The following TGFBR1 variants were observed in gnomAD, a reference collection of about 807,000 sequenced individuals.
TGFBR1 encodes the protein TGF-beta receptor type-1.
In TGFBR1, 20 loss-of-function variants were observed where a neutral mutation model predicts 55.1. The observed-to-expected ratio is 0.36, with a 90% confidence interval of 0.26 to 0.53. The LOEUF (loss-of-function observed/expected upper bound fraction) is 0.53. Ranked by LOEUF, TGFBR1 falls within the 20% of genes least tolerant of loss-of-function variation. TGFBR1 has a pLI of 0.91. For synonymous variants in TGFBR1, 220 were observed against 214.8 expected (o/e 1.02, Z -0.21); for missense variants, 385 against 617.6 (o/e 0.62, Z 3.99).
At position 99,150,797 on chromosome 9, in the gene TGFBR1, A is replaced by T. The variant is rs1215899859; in HGVS notation, c.*1492A>T. ...TCCATTTACAGATGTCTTTGGTCAA[A>T]TATTGAAAGCAAACTTGTCATGGTC... On this transcript the variant is annotated 3_prime_UTR_variant, in exon 9 of 9. Coordinates refer to ENST00000374994, the MANE Select transcript of TGFBR1 (RefSeq NM_004612.4). The T allele has an allele frequency of 2.3e-5, 5 of 218,188 alleles. No homozygotes were observed. In the East Asian group the frequency reaches 3.4e-4, roughly 15 times the overall value. 13.5% of individuals were successfully genotyped at this position (218,188 alleles called of 1,614,324 possible).
At position 99,150,509 on chromosome 9, in the gene TGFBR1, T is replaced by C. The variant is rs1232355911; in HGVS notation, c.*1204T>C. ...AGGCGAAGGTAGTTAATAATTTGAA[T>C]AGATAACAGATGTGCAAGAAAGTCA... On this transcript the variant is annotated 3_prime_UTR_variant, in exon 9 of 9. Coordinates refer to ENST00000374994, the MANE Select transcript of TGFBR1 (RefSeq NM_004612.4). 1 of 214,208 alleles carries C rather than the reference T, an allele frequency of 4.7e-6. No individual in the cohort carries two copies. Among genetic ancestry groups the C allele is most frequent in the African/African-American group, 2.3e-5 (1 of 44,378 alleles). The allele number at this position is 214,208 out of a possible 1,614,324, so 13.3% of individuals were successfully genotyped here.
chr9:99,142,774 G>T (rs913770040), intron 5 of TGFBR1, 71 bp downstream of exon 5: 2 of 1,565,318 alleles, frequency 1.3e-6, no homozygotes, highest in African/African-American at 2.7e-5. Flanking sequence ...AATAGAAGGT[G>T]GAGGCTGGGC....
rs35702937 is a variant in TGFBR1 at position 99,149,451 on chromosome 9, TC to T, written c.*149del. On this transcript the variant is annotated 3_prime_UTR_variant, in exon 9 of 9. Coordinates refer to ENST00000374994, the MANE Select transcript of TGFBR1 (RefSeq NM_004612.4). The stretch of plus-strand genomic sequence containing the variant: ...AGTGTAATAAAGTCAATTAAAAACT[TC>T]CCAGGATTTCTTTGGACCCAGGAAA... 1.8e-5 allele frequency: 21 copies of T among 1,172,844 alleles called. No individual in the cohort carries two copies. The East Asian group carries it at 3.0e-4, about 17-fold the overall frequency. 72.7% of individuals were successfully genotyped at this position (1,172,844 alleles called of 1,614,324 possible). A position where few individuals can be genotyped will look rare whatever the true frequency, so the allele number is the denominator to read the frequency against.
intron 1 of TGFBR1, among the ~76,000 whole-genome samples, chr9:99,125,863 A>G (rs963747047): frequency 1.3e-5 from 2 of 152,162 alleles, no homozygotes; most frequent in Admixed American, 1.3e-4. Flanking sequence ...TGTTTTAGCA[A>G]ATATTTTTCT....
chr9:99,126,653 G>A (rs998513427), intron 1 of TGFBR1, among the ~76,000 whole-genome samples: 1 of 152,110 alleles, frequency 6.6e-6, no homozygotes, highest in Non-Finnish European at 1.5e-5. Context: ...ATAACATTTG[G>A]CTTATAGTTT....
intron 3 of TGFBR1, 151 bp downstream of exon 3, chr9:99,132,890 A>G: frequency 1.8e-6 from 2 of 1,106,968 alleles, no homozygotes; most frequent in Non-Finnish European, 2.5e-6. Flanking sequence ...TTTAAGCTTG[A>G]TGTATATATG....
At chr9:99,139,276 A>G (rs557338063) in intron 4 of TGFBR1, among the ~76,000 whole-genome samples, 1 of 150,516 alleles carries the variant, frequency 6.6e-6, no homozygotes, top group Non-Finnish European at 1.5e-5. Context: ...CCCACCTTCC[A>G]TTTACTTCAG....
In TGFBR1 at chr9:99,149,345, C is replaced by G. The variant is rs2118862006; in HGVS notation, c.*40C>G. ...CTGAACTCTCCTTTTTTCTTCAGATCTGCTCCTGGGTTTTAATTTGGGAGG... is the reference window on the plus strand; with the variant it reads ...CTGAACTCTCCTTTTTTCTTCAGATGTGCTCCTGGGTTTTAATTTGGGAGG... On this transcript the variant is annotated 3_prime_UTR_variant, in exon 9 of 9. Coordinates refer to ENST00000374994, the MANE Select transcript of TGFBR1 (RefSeq NM_004612.4). 1.2e-6 allele frequency: 2 copies of G among 1,612,120 alleles called. No individual in the cohort carries two copies. The highest frequency in any genetic ancestry group is 1.1e-5 in the South Asian group (1 of 90,976).
At position 99,105,448 on chromosome 9, in the gene TGFBR1, G is replaced by C. The variant is rs1360729895; in HGVS notation, c.97+146G>C. The C allele has an allele frequency of 9.9e-6, 7 of 708,072 alleles. No homozygotes were observed. The East Asian group carries it at 6.7e-4, about 68-fold the overall frequency. 43.9% of individuals were successfully genotyped at this position (708,072 alleles called of 1,614,324 possible). A position where few individuals can be genotyped will look rare whatever the true frequency, so the allele number is the denominator to read the frequency against. ...GCCCGGGCCGGGCTCTCGTGGCGCC[G>C]CGCGGCTCGGCGGCTGCCGGGCGAA... On this transcript the variant is annotated intron_variant, in intron 1 of 8. Coordinates refer to ENST00000374994, the MANE Select transcript of TGFBR1 (RefSeq NM_004612.4).
In TGFBR1 at chr9:99,126,270, G is replaced by C. The variant is rs201725546; in HGVS notation, c.98-2585G>C. Among the ~76,000 whole-genome samples the C allele has an allele frequency of 2.0e-5, 3 of 152,300 alleles. No homozygotes were observed. In the East Asian group the frequency reaches 5.8e-4, roughly 29 times the overall value. ...ATTGGAACCCCAAACTAAAAGTCTT[G>C]TTAGGCTAGGTGTTTAGCCCTTATC... On this transcript the variant is annotated intron_variant, in intron 1 of 8. Transcript: ENST00000374994.
rs1398521156 is a variant in TGFBR1 at position 99,151,282 on chromosome 9, T to C, written c.*1977T>C. 1 of 231,936 alleles carries C rather than the reference T, an allele frequency of 4.3e-6. No homozygotes were observed. Among genetic ancestry groups the C allele is most frequent in the Non-Finnish European group, 8.5e-6 (1 of 117,310 alleles). The allele number at this position is 231,936 out of a possible 1,614,324, so 14.4% of individuals were successfully genotyped here. A position where few individuals can be genotyped will look rare whatever the true frequency, so the allele number is the denominator to read the frequency against. The stretch of plus-strand genomic sequence containing the variant: ...TTTTTCTGTAGTTACCATAATTTCA[T>C]TGAAGCAAATGAATGAGTTTGAGAG... On this transcript the variant is annotated 3_prime_UTR_variant, in exon 9 of 9. Coordinates refer to ENST00000374994, the MANE Select transcript of TGFBR1 (RefSeq NM_004612.4).
chr9:99,153,863 T>G lies in TGFBR1; in HGVS notation c.*4558T>G, dbSNP rs200673182. On this transcript the variant is annotated 3_prime_UTR_variant, in exon 9 of 9. Transcript: ENST00000374994. ...TGCCTGGGGGCTTTTCTCCACATGC[T>G]TAGGGGTGTGGGTCTTCCATTGGGG... 1.8e-4 allele frequency: 39 copies of G among 212,468 alleles called. No individual in the cohort carries two copies. Among genetic ancestry groups the G allele is most frequent in the African/African-American group, 7.9e-4 (35 of 44,188 alleles). The allele number at this position is 212,468 out of a possible 1,614,324, so 13.2% of individuals were successfully genotyped here.
chr9:99,107,416 A>G (rs1826443974), intron 1 of TGFBR1, among the ~76,000 whole-genome samples: 1 of 152,146 alleles, frequency 6.6e-6, no homozygotes, highest in Admixed American at 6.5e-5. Context: ...CCTAGTGCAC[A>G]GTTTAGTACC....
intron 1 of TGFBR1, among the ~76,000 whole-genome samples, chr9:99,123,728 T>C (rs892652843): frequency 6.6e-6 from 1 of 152,194 alleles, no homozygotes; most frequent in Non-Finnish European, 1.5e-5. Flanking sequence ...CTAGATGATA[T>C]TCAAAGTTTC....
intron 1 of TGFBR1, among the ~76,000 whole-genome samples, chr9:99,115,854 T>G (rs1156924191): frequency 6.6e-6 from 1 of 152,162 alleles, no homozygotes; most frequent in Non-Finnish European, 1.5e-5. Flanking sequence ...TAAAGTAGTT[T>G]TAGTTATTTT....
intron 4 of TGFBR1, among the ~76,000 whole-genome samples, chr9:99,141,626 A>G (rs1827618360): frequency 6.6e-6 from 1 of 152,180 alleles, no homozygotes; most frequent in Non-Finnish European, 1.5e-5. Flanking sequence ...ACCAGGTTAG[A>G]ATGACTCTAA....
At chr9:99,133,525 G>A (rs1272853625) in intron 3 of TGFBR1, among the ~76,000 whole-genome samples, 2 of 152,166 alleles carry the variant, frequency 1.3e-5, no homozygotes, top group East Asian at 1.9e-4. Flanking sequence ...CCTATCCCCT[G>A]TGTTTTTAGA....
chr9:99,135,446 A>T (rs1827403482), intron 3 of TGFBR1, among the ~76,000 whole-genome samples: 1 of 152,178 alleles, frequency 6.6e-6, no homozygotes, highest in African/African-American at 2.4e-5. Context: ...CACATTCTGA[A>T]TTCATATGTT....
Position 99,151,109 on chromosome 9 carries a change from A to G in TGFBR1, c.*1804A>G, listed in dbSNP as rs200656974. ...TAATGTCTTATCTCTTATACGTAGA[A>G]TAAATTTGAAAGACTATTTGATCTT... On this transcript the variant is annotated 3_prime_UTR_variant, in exon 9 of 9. Coordinates refer to ENST00000374994, the MANE Select transcript of TGFBR1 (RefSeq NM_004612.4). 7.0e-4 allele frequency: 159 copies of G among 228,638 alleles called. No individual in the cohort carries two copies. Among genetic ancestry groups the G allele is most frequent in the Non-Finnish European group, 1.2e-3 (136 of 115,078 alleles). 14.2% of individuals were successfully genotyped at this position (228,638 alleles called of 1,614,324 possible).
Sources: allele counts gnomAD v4.1 joint callset (sites outside exome capture counted in the v4.1 genomes callset), GRCh38; gene constraint gnomAD v4.1.1; transcripts MANE v1.5; gene names NCBI Gene and HGNC (gene_info 2026-07-23, HGNC 2026-07-21).